CLEC19A: variants seen among roughly 807,000 people sequenced by gnomAD.
CLEC19A encodes C-type lectin domain containing 19A.
CLEC19A carries 21 observed loss-of-function variants against 26.1 expected under a neutral mutation model. The ratio of observed to expected loss-of-function variants is 0.80; its 90% confidence interval spans 0.57 to 1.16. The LOEUF (loss-of-function observed/expected upper bound fraction) is 1.16, where lower values mean the gene tolerates loss of function less well. Among genes scored for constraint, CLEC19A ranks in the 50% most tolerant of loss-of-function variants. The pLI is 0.00. For synonymous variants in CLEC19A, 89 were observed against 88.6 expected, an observed-to-expected ratio of 1.00 and a Z score of -0.03; for missense variants, 224 against 227.6, an observed-to-expected ratio of 0.98 and a Z score of 0.10.
intron 2 of CLEC19A, chr16:19,303,837 G>A (rs1209307970): frequency 2.3e-6 from 1 of 442,734 alleles, no homozygotes; most frequent in African/African-American, 1.9e-5. Flanking sequence ...TTAGGGATGA[G>A]TAGCAGTACT....
At chr16:19,292,391 TCTG>T (rs1019441573) in intron 1 of CLEC19A, among the ~76,000 whole-genome samples, 3 of 152,194 alleles carry the variant, frequency 2.0e-5, no homozygotes, top group African/African-American at 7.2e-5. Context: ...TCTGGCAACC[TCTG>T]CTTTCAGGAC....
intron 1 of CLEC19A, among the ~76,000 whole-genome samples, chr16:19,287,341 T>A (rs1433524816): frequency 6.6e-6 from 1 of 152,132 alleles, no homozygotes; most frequent in Non-Finnish European, 1.5e-5. Flanking sequence ...CTTCCTCTTA[T>A]AAGCACACTA....
intron 1 of CLEC19A, among the ~76,000 whole-genome samples, chr16:19,292,506 G>A (rs1209988581): frequency 6.6e-6 from 1 of 152,206 alleles, no homozygotes; most frequent in Non-Finnish European, 1.5e-5. Flanking sequence ...CCAAGAGGCT[G>A]CCCTCAAGAA....
intron 4 of CLEC19A, among the ~76,000 whole-genome samples, chr16:19,308,117 G>A (rs1215021934): frequency 6.6e-6 from 1 of 152,176 alleles, no homozygotes; most frequent in African/African-American, 2.4e-5. Context: ...TTCAAATTCT[G>A]GCCCTGTTTC....
At chr16:19,301,741 T>TTTTG (rs1897831859) in intron 2 of CLEC19A, among the ~76,000 whole-genome samples, 1 of 96,786 alleles carries the variant, frequency 1.0e-5, no homozygotes, top group Admixed American at 1.1e-4. Flanking sequence ...TTTTGGTTTT[T>TTTTG]TTTTTTTTTT....
rs1192609406 is a variant in CLEC19A at position 19,310,164 on chromosome 16, C to G, written c.*1081C>G. The G allele has an allele frequency of 6.6e-6, 1 of 152,016 alleles. No homozygotes were observed. Among genetic ancestry groups the G allele is most frequent in the Non-Finnish European group, 1.5e-5 (1 of 68,002 alleles). 9.4% of individuals were successfully genotyped at this position (152,016 alleles called of 1,614,324 possible). A position where few individuals can be genotyped will look rare whatever the true frequency, so the allele number is the denominator to read the frequency against. On this transcript the variant is annotated 3_prime_UTR_variant, in exon 5 of 5. Transcript: ENST00000636231. ...GATCTCGACCTAAGAGAATCGGAAA[C>G]AGGTATTTAAATATAAGTGGTCGGC...
chr16:19,300,455 G>T (rs1412809870), intron 2 of CLEC19A, among the ~76,000 whole-genome samples: 1 of 151,780 alleles, frequency 6.6e-6, no homozygotes, highest in Non-Finnish European at 1.5e-5. Context: ...GGCTAAGGTG[G>T]GAGGATCACT....
At chr16:19,305,882 C>T (rs543189349) in intron 3 of CLEC19A, among the ~76,000 whole-genome samples, 3 of 152,008 alleles carry the variant, frequency 2.0e-5, no homozygotes, top group East Asian at 1.9e-4. Flanking sequence ...CTCGCTCTGT[C>T]GCCCAGGCTG....
chr16:19,307,410 T>C (rs572421341), intron 3 of CLEC19A, 135 bp from the exon 4 acceptor site: 2 of 906,776 alleles, frequency 2.2e-6, no homozygotes, highest in Non-Finnish European at 3.3e-6. Flanking sequence ...CAGATAGCAG[T>C]AGCCTCAATG....
At chr16:19,287,457 G>A (rs758220757) in intron 1 of CLEC19A, among the ~76,000 whole-genome samples, 3 of 152,090 alleles carry the variant, frequency 2.0e-5, no homozygotes, top group South Asian at 4.2e-4. Context: ...ATGAATTGGG[G>A]GCAGGGAAGA....
intron 1 of CLEC19A, among the ~76,000 whole-genome samples, chr16:19,287,986 T>G (rs1324651916): frequency 1.3e-5 from 2 of 152,192 alleles, no homozygotes; most frequent in Non-Finnish European, 2.9e-5. Flanking sequence ...TCATCCCTAC[T>G]CTATAGATAA....
chr16:19,302,622 A>T (rs1001783542), intron 2 of CLEC19A, among the ~76,000 whole-genome samples: 4 of 152,238 alleles, frequency 2.6e-5, no homozygotes, highest in Non-Finnish European at 5.9e-5. Context: ...TGTGGAAGCC[A>T]ATAGTGGGAA....
intron 1 of CLEC19A, among the ~76,000 whole-genome samples, chr16:19,290,212 C>T (rs1026219390): frequency 9.9e-5 from 15 of 152,174 alleles, no homozygotes; most frequent in African/African-American, 3.6e-4. Context: ...GCTTTGACCC[C>T]CCACCCCAGC....
rs928644325 is a variant in CLEC19A, at chr16:19,310,689, C to T, written c.*1606C>T. On this transcript the variant is annotated 3_prime_UTR_variant, in exon 5 of 5. Coordinates refer to ENST00000636231, the MANE Select transcript of CLEC19A (RefSeq NM_001256720.2). ...ACATTATGCTTCCAGTCACAAAAGA[C>T]CACATGTTGTATGATTCCATATATA... 5 of 152,236 alleles carry T rather than the reference C, an allele frequency of 3.3e-5. No homozygotes were observed. Among genetic ancestry groups the T allele is most frequent in the Non-Finnish European group, 7.3e-5 (5 of 68,036 alleles). The allele number at this position is 152,236 out of a possible 1,614,324, so 9.4% of individuals were successfully genotyped here.
chr16:19,298,542 G>A, intron 1 of CLEC19A, 131 bp from the exon 2 acceptor site: 1 of 935,740 alleles, frequency 1.1e-6, no homozygotes, highest in Non-Finnish European at 1.6e-6. Flanking sequence ...CTTCAGCCTG[G>A]GCAACAGAAC....
At chr16:19,307,505 T>C (rs200394651) in intron 3 of CLEC19A, 40 bp from the exon 4 acceptor site, 221 of 1,544,860 alleles carry the variant, frequency 1.4e-4, no homozygotes, top group Admixed American at 7.9e-5. Flanking sequence ...GATCTTCTTC[T>C]TGGCTTGCTT....
chr16:19,290,839 C>CTT (rs1897568864), intron 1 of CLEC19A, among the ~76,000 whole-genome samples: 3 of 151,888 alleles, frequency 2.0e-5, no homozygotes, highest in Non-Finnish European at 4.4e-5. Context: ...TTTTCTTTTT[C>CTT]TTTCTTTCTT....
intron 1 of CLEC19A, among the ~76,000 whole-genome samples, chr16:19,288,112 T>A (rs895565771): frequency 6.6e-6 from 1 of 152,178 alleles, no homozygotes; most frequent in Non-Finnish European, 1.5e-5. Flanking sequence ...CTATGGAAAC[T>A]GAGGCTACAG....
In CLEC19A at chr16:19,301,736, G is replaced by GTTTTTTTTTT. The variant is rs1171248968; in HGVS notation, c.255-2307_255-2298dup. On this transcript the variant is annotated intron_variant, in intron 2 of 4. Coordinates refer to ENST00000636231, the MANE Select transcript of CLEC19A (RefSeq NM_001256720.2). ...ATGACACCATGCCCAGGTTTTTTTG[G>GTTTTTTTTTT]TTTTTTTTTTTTTTTTTTTTTTTTT... Among the ~76,000 whole-genome samples the GTTTTTTTTTT allele has an allele frequency of 1.5e-3, 125 of 81,470 alleles. 4 individuals carry two copies. The highest frequency in any genetic ancestry group is 1.6e-3 in the Non-Finnish European group (70 of 43,220). The allele number at this position is 81,470 out of a possible 152,430, so 53.4% of individuals were successfully genotyped here.
Sources: gnomAD v4.1 joint callset for allele counts (sites outside exome capture counted in the v4.1 genomes callset) on GRCh38, gnomAD v4.1.1 for gene constraint, MANE v1.5 for transcripts, NCBI Gene and HGNC (gene_info 2026-07-23, HGNC 2026-07-21) for gene names.